SLC25A17: variants seen among roughly 807,000 people sequenced by gnomAD.
SLC25A17 encodes solute carrier family 25 member 17, also known as peroxisomal membrane protein PMP34.
Under a neutral mutation model 38.5 loss-of-function variants are expected in SLC25A17, and 26 were observed. The ratio of observed to expected loss-of-function variants is 0.68; its 90% CI spans 0.50 to 0.94. The LOEUF (loss-of-function observed/expected upper bound fraction) is 0.94. Among genes scored for constraint, SLC25A17 ranks in the 40% least tolerant of loss-of-function variants. The probability of loss-of-function intolerance (pLI) is 0.00; values close to 1 mark genes in which losing one functional copy is unlikely to be tolerated. For missense variants in SLC25A17, 333 were observed against 372.7 expected, an observed-to-expected ratio of 0.89 and a Z score of 0.88; for synonymous variants, 139 against 136.2, an observed-to-expected ratio of 1.02 and a Z score of -0.14.
At chr22:40,785,212 C>T (rs952360995) in intron 4 of SLC25A17, among the ~76,000 whole-genome samples, 2 of 152,286 alleles carry the variant, frequency 1.3e-5, no homozygotes, top group African/African-American at 2.4e-5. Context: ...AGTGAAACCC[C>T]GTCTCTACTA....
intron 1 of SLC25A17, among the ~76,000 whole-genome samples, chr22:40,802,905 T>C (rs2057495372): frequency 6.6e-6 from 1 of 152,212 alleles, no homozygotes; most frequent in African/African-American, 2.4e-5. Flanking sequence ...CATGTAATAA[T>C]TGTACATGTT....
rs747563677 is a variant in SLC25A17 at position 40,773,984 on chromosome 22, T to C, written c.729A>G (p.Thr243=). ...AGAGAATATTCCGAAGACTTCCCAA[T>C]GTTCTGTTTTCTGGGTTTAGTCTAT... ...GRHRLNPENR[T]LGSLRNILYL... Residue 243 remains threonine, a synonymous_variant, in exon 8 of 9, where the codon ACA becomes ACG. Transcript: ENST00000435456. 1.2e-6 allele frequency: 2 copies of C among 1,613,486 alleles called. No homozygotes were observed. The highest frequency in any genetic ancestry group is 2.2e-5 in the East Asian group (1 of 44,866).
At chr22:40,773,886 G>A in intron 8 of SLC25A17, 51 bp downstream of exon 8, 1 of 1,270,994 alleles carries the variant, frequency 7.9e-7, no homozygotes, top group Non-Finnish European at 1.2e-6. Context: ...CTCCCTGGCA[G>A]AGATGGCTGC....
intron 1 of SLC25A17, among the ~76,000 whole-genome samples, chr22:40,801,752 G>C (rs1708662372): frequency 6.6e-6 from 1 of 152,102 alleles, no homozygotes; most frequent in South Asian, 2.1e-4. Context: ...GTTTATTAAG[G>C]CTCTGGCACT....
chr22:40,788,418 C>T (rs190121151), intron 4 of SLC25A17, among the ~76,000 whole-genome samples: 5 of 152,140 alleles, frequency 3.3e-5, no homozygotes, highest in African/African-American at 9.7e-5. Flanking sequence ...CTGGGCCGGG[C>T]GTTGCGGCTC....
chr22:40,811,093 G>A (rs559513025), intron 1 of SLC25A17, among the ~76,000 whole-genome samples: 1 of 151,988 alleles, frequency 6.6e-6, no homozygotes, highest in East Asian at 1.9e-4. Flanking sequence ...ACCACACCCA[G>A]CTAATTTTTG....
At chr22:40,806,490 AAAG>A (rs2057531241) in intron 1 of SLC25A17, among the ~76,000 whole-genome samples, 1 of 152,218 alleles carries the variant, frequency 6.6e-6, no homozygotes, top group Admixed American at 6.5e-5. Flanking sequence ...TTGGGGCCAG[AAAG>A]AAGATTAAAA....
At chr22:40,797,329 G>T in intron 2 of SLC25A17, 4 of 1,300,408 alleles carry the variant, frequency 3.1e-6, no homozygotes, top group Non-Finnish European at 4.1e-6. Context: ...ATTTCAACTT[G>T]AACAAATCTG....
At chr22:40,789,000 G>A in intron 4 of SLC25A17, 1 of 318,656 alleles carries the variant, frequency 3.1e-6, no homozygotes, top group South Asian at 3.8e-5. Flanking sequence ...AGGTATGCAT[G>A]GTATGTGTTT....
intron 4 of SLC25A17, among the ~76,000 whole-genome samples, chr22:40,788,000 C>T (rs2057353426): frequency 6.6e-6 from 1 of 152,192 alleles, no homozygotes; most frequent in African/African-American, 2.4e-5. Flanking sequence ...AAGCAATCCT[C>T]CCACCTTGGC....
intron 8 of SLC25A17, among the ~76,000 whole-genome samples, 187 bp from the exon 9 acceptor site, chr22:40,771,168 C>T (rs1339783946): frequency 4.6e-5 from 7 of 152,186 alleles, no homozygotes; most frequent in Admixed American, 2.6e-4. Context: ...AGTGCAGTGG[C>T]GCGATCTCGG....
intron 3 of SLC25A17, among the ~76,000 whole-genome samples, chr22:40,793,800 C>T (rs562783956): frequency 9.9e-5 from 15 of 152,164 alleles, no homozygotes; most frequent in Admixed American, 6.6e-4. Context: ...TTAGTAAAGA[C>T]GGGGTTTCTC....
rs536101788 is a variant in SLC25A17, at chr22:40,805,237, A to G, written c.55-6154T>C. On this transcript the variant is annotated intron_variant, in intron 1 of 8. Coordinates refer to ENST00000435456, the MANE Select transcript of SLC25A17 (RefSeq NM_006358.4). ...GTAATCCCAGCTACTCGGGAGGCTG[A>G]GGCAGGAGAATCGCTTGAACCTGGG... 2.0e-5 allele frequency among the ~76,000 whole-genome samples: 3 copies of G among 152,318 alleles called. No individual in the cohort carries two copies. The South Asian group carries it at 6.2e-4, about 32-fold the overall frequency.
intron 4 of SLC25A17, among the ~76,000 whole-genome samples, chr22:40,781,129 C>T (rs1266413583): frequency 6.6e-6 from 1 of 152,006 alleles, no homozygotes; most frequent in African/African-American, 2.4e-5. Flanking sequence ...TGTGATCATG[C>T]CACTGCACTC....
chr22:40,790,256 G>T (rs1419147929), intron 4 of SLC25A17, among the ~76,000 whole-genome samples: 1 of 147,846 alleles, frequency 6.8e-6, no homozygotes, highest in Non-Finnish European at 1.5e-5. Context: ...TAGGAAAATT[G>T]CTTGAACCCA....
intron 1 of SLC25A17, among the ~76,000 whole-genome samples, chr22:40,811,637 T>C (rs1359598104): frequency 6.6e-6 from 1 of 151,776 alleles, no homozygotes; most frequent in African/African-American, 2.4e-5. Flanking sequence ...ATGATCATGG[T>C]GGAAGGTGAA....
intron 1 of SLC25A17, among the ~76,000 whole-genome samples, chr22:40,807,824 C>T (rs1602625208): frequency 6.6e-6 from 1 of 152,110 alleles, no homozygotes; most frequent in East Asian, 1.9e-4. Context: ...ACCTCAGGGA[C>T]TTGCTATATT....
chr22:40,795,827 G>A (rs1394613686), intron 2 of SLC25A17, among the ~76,000 whole-genome samples: 19 of 151,152 alleles, frequency 1.3e-4, no homozygotes, highest in Non-Finnish European at 1.9e-4. Context: ...TCGCTTTGTC[G>A]CCCATGCTGG....
At chr22:40,791,895 G>A (rs2057388206) in intron 4 of SLC25A17, among the ~76,000 whole-genome samples, 1 of 152,128 alleles carries the variant, frequency 6.6e-6, no homozygotes, top group Non-Finnish European at 1.5e-5. Flanking sequence ...TATATATCCA[G>A]AAGAATGGAA....
Sources: allele counts gnomAD v4.1 joint callset (sites outside exome capture counted in the v4.1 genomes callset), GRCh38; gene constraint gnomAD v4.1.1; transcripts MANE v1.5; gene names NCBI Gene and HGNC (gene_info 2026-07-23, HGNC 2026-07-21).